Variants in OSBPL10 observed in about 807,000 individuals in gnomAD.
OSBPL10 encodes oxysterol binding protein like 10.
In OSBPL10, 49 loss-of-function variants were observed where a neutral mutation model predicts 81.7. The ratio of observed to expected loss-of-function variants is 0.60; its 90% confidence interval spans 0.48 to 0.76. OSBPL10 has a LOEUF of 0.76. Among genes scored for constraint, OSBPL10 ranks in the 30% least tolerant of loss-of-function variants. The pLI is 0.00. For missense variants in OSBPL10, 923 were observed against 987.8 expected (o/e 0.93, Z 0.88); for synonymous variants, 419 against 383.6 (o/e 1.09, Z -1.08).
At chr3:31,847,359 CT>C (rs1468202960) in intron 3 of OSBPL10, among the ~76,000 whole-genome samples, 1 of 152,074 alleles carries the variant, frequency 6.6e-6, no homozygotes, top group Non-Finnish European at 1.5e-5. Context: ...CCACACCTGG[CT>C]GATTTTTGTA....
chr3:31,683,733 A>G lies in OSBPL10; in HGVS notation c.1627T>C (p.Tyr543His). Residue 543 changes from tyrosine (Y) to histidine (H), a missense_variant, in exon 8 of 12, where the codon TAC (tyrosine) becomes CAC (histidine). This residue lies in a region of OSBPL10 where 387 missense variants were observed against 436.3 expected (regional missense o/e 0.89). Transcript: ENST00000396556. ...AGTCTCTTCTCCTCGCACTCACAGT[A>G]GAAGCAGGAGATGGGTGGGTGATGG... ...VSHHPPISCFYCECEEKRLCV... is the reference protein window; with the variant it reads ...VSHHPPISCFHCECEEKRLCV... The G allele has an allele frequency of 6.2e-7, 1 of 1,614,226 alleles. No homozygotes were observed.
At chr3:31,962,494 A>G (rs1050023023) in intron 1 of OSBPL10, among the ~76,000 whole-genome samples, 2 of 152,026 alleles carry the variant, frequency 1.3e-5, no homozygotes, top group Admixed American at 1.3e-4. Context: ...AAAATGGTAA[A>G]CTATATGTTC....
chr3:31,988,952 A>T, intron 2 of OSBPL10: 1 of 1,201,432 alleles, frequency 8.3e-7, no homozygotes, highest in Non-Finnish European at 1.2e-6. Context: ...TGAGATAATC[A>T]GTGTTTGTTG....
chr3:31,977,716 T>A (rs187245430), intron 1 of OSBPL10, among the ~76,000 whole-genome samples: 4 of 152,344 alleles, frequency 2.6e-5, no homozygotes, highest in Admixed American at 2.6e-4. Context: ...CTTTCTGGAT[T>A]TTTTATTGTT....
chr3:31,899,431 C>G (rs1284593231), intron 1 of OSBPL10, among the ~76,000 whole-genome samples: 1 of 151,996 alleles, frequency 6.6e-6, no homozygotes, highest in Non-Finnish European at 1.5e-5. Context: ...AAAAGCTGGA[C>G]AGATAAAAAT....
At chr3:31,915,171 T>A (rs946625087) in intron 1 of OSBPL10, among the ~76,000 whole-genome samples, 19 of 151,966 alleles carry the variant, frequency 1.3e-4, no homozygotes, top group African/African-American at 4.1e-4. Context: ...TTTTTTTTTT[T>A]AATAAATAGC....
At position 31,981,009 on chromosome 3, in the gene OSBPL10, G is replaced by A. The variant is rs930607673; in HGVS notation, c.171C>T (p.Ser57=). ...ACGGGCTAGCGGCCACAGAGCCCGG[G>A]CTGCTGCGGCTTCCCCCGCCGCCGA... ...AGLGGGGSRS[S]PGSVAASPSG... Residue 57 remains serine, a synonymous_variant, in exon 1 of 12, where the codon AGC becomes AGT. Coordinates refer to ENST00000396556, the MANE Select transcript of OSBPL10 (RefSeq NM_017784.5). This position sits in a 1 kb window ranked among gnomAD's most constrained non-coding sequence, Gnocchi z 4.5. 6.1e-6 allele frequency: 9 copies of A among 1,483,640 alleles called. No homozygotes were observed. In the African/African-American group the frequency reaches 8.8e-5, roughly 14 times the overall value. The allele number at this position is 1,483,640 out of a possible 1,614,324, so 91.9% of individuals were successfully genotyped here. A position where few individuals can be genotyped will look rare whatever the true frequency, so the allele number is the denominator to read the frequency against.
At chr3:31,812,712 CAA>C (rs563030191) in intron 4 of OSBPL10, among the ~76,000 whole-genome samples, 20 of 34,210 alleles carry the variant, frequency 5.8e-4, no homozygotes, top group Admixed American at 4.5e-3. Context: ...ACACAGTAGG[CAA>C]AAAAAAAGAA....
At chr3:31,683,183 G>A (rs1172769359) in intron 8 of OSBPL10, among the ~76,000 whole-genome samples, 1 of 152,226 alleles carries the variant, frequency 6.6e-6, no homozygotes, top group African/African-American at 2.4e-5. Context: ...CCAGCATAGA[G>A]TCAAAAGATT....
intron 2 of OSBPL10, among the ~76,000 whole-genome samples, chr3:32,043,928 G>T (rs1346789880): frequency 6.6e-6 from 1 of 151,980 alleles, no homozygotes; most frequent in South Asian, 2.1e-4. Flanking sequence ...ATGGAGGGAG[G>T]GGGCAAGGGC....
chr3:32,007,977 T>A (rs1047712424), intron 2 of OSBPL10, among the ~76,000 whole-genome samples: 3 of 152,018 alleles, frequency 2.0e-5, no homozygotes, highest in African/African-American at 7.2e-5. Flanking sequence ...AGTGCTGGGA[T>A]TACAGGCATG....
chr3:31,968,521 A>G (rs1325634220), intron 1 of OSBPL10, among the ~76,000 whole-genome samples: 1 of 152,092 alleles, frequency 6.6e-6, no homozygotes, highest in Non-Finnish European at 1.5e-5. Context: ...GAAAAAAAAA[A>G]AAAAAACACT....
At chr3:32,012,698 A>G (rs1038847963) in intron 2 of OSBPL10, among the ~76,000 whole-genome samples, 1 of 152,142 alleles carries the variant, frequency 6.6e-6, no homozygotes, top group Admixed American at 6.5e-5. Context: ...CAGGAAACCT[A>G]TCTCACGTGC....
chr3:31,761,422 A>G (rs572245932), intron 4 of OSBPL10, among the ~76,000 whole-genome samples: 1 of 151,596 alleles, frequency 6.6e-6, no homozygotes, highest in East Asian at 1.9e-4. Context: ...CAGTGAGCCA[A>G]GACCACACCA....
intron 1 of OSBPL10, among the ~76,000 whole-genome samples, chr3:31,946,894 G>C (rs1190754390): frequency 5.3e-5 from 8 of 152,192 alleles, no homozygotes; most frequent in Admixed American, 5.2e-4. Context: ...TTAAGAAGAT[G>C]ATCGTGGGAG....
chr3:31,852,554 G>A (rs1161043902), intron 3 of OSBPL10, among the ~76,000 whole-genome samples: 1 of 148,376 alleles, frequency 6.7e-6, no homozygotes, highest in Non-Finnish European at 1.5e-5. Flanking sequence ...CTACTCCTGT[G>A]GCACGGAAGT....
At chr3:31,892,449 G>A (rs1695919616) in intron 1 of OSBPL10, among the ~76,000 whole-genome samples, 1 of 152,096 alleles carries the variant, frequency 6.6e-6, no homozygotes, top group African/African-American at 2.4e-5. Flanking sequence ...CCAGGTGGGA[G>A]CAGAGGGAGC....
chr3:31,810,375 T>C (rs766689079), intron 4 of OSBPL10, among the ~76,000 whole-genome samples: 1 of 152,148 alleles, frequency 6.6e-6, no homozygotes, highest in Non-Finnish European at 1.5e-5. Flanking sequence ...AAGGAGACCA[T>C]ACCATTACTT....
intron 4 of OSBPL10, among the ~76,000 whole-genome samples, chr3:31,793,384 T>C (rs1699083910): frequency 6.6e-6 from 1 of 152,236 alleles, no homozygotes; most frequent in South Asian, 2.1e-4. Flanking sequence ...TAATTTATGC[T>C]GAAAATTAAA....
Sources: gnomAD v4.1 joint callset for allele counts (sites outside exome capture counted in the v4.1 genomes callset) on GRCh38, gnomAD v4.1.1 for gene constraint, gnomAD v4.1.1 regional missense constraint, Gnocchi (gnomAD v3.1) non-coding constraint, MANE v1.5 for transcripts, NCBI Gene and HGNC (gene_info 2026-07-23, HGNC 2026-07-21) for gene names.